RARB: variants seen among roughly 807,000 people sequenced by gnomAD.
The protein encoded by RARB is retinoic acid receptor beta.
In RARB, 17 loss-of-function variants were observed where a neutral mutation model predicts 51.9. The observed-to-expected ratio is 0.33, with a 90% CI of 0.22 to 0.49. The LOEUF (loss-of-function observed/expected upper bound fraction) is 0.49, where lower values mean the gene tolerates loss of function less well. Among genes scored for constraint, RARB ranks in the 20% least tolerant of loss-of-function variants. The probability of loss-of-function intolerance (pLI) is 0.99; values close to 1 mark genes in which losing one functional copy is unlikely to be tolerated. For synonymous variants in RARB, 215 were observed against 195.4 expected (o/e 1.10, Z -0.84); for missense variants, 369 against 550.8 (o/e 0.67, Z 3.30).
At chr3:25,171,568 G>A (rs1700646236) in intron 4 of RARB, among the ~76,000 whole-genome samples, 1 of 119,310 alleles carries the variant, frequency 8.4e-6, no homozygotes, top group Non-Finnish European at 1.6e-5. Context: ...ACAATCTGCA[G>A]CGTTTGAAAG....
intron 5 of RARB, among the ~76,000 whole-genome samples, chr3:25,192,377 T>C (rs1242794250): frequency 6.6e-6 from 1 of 152,114 alleles, no homozygotes; most frequent in Non-Finnish European, 1.5e-5. Context: ...GCTATGTAAA[T>C]ATCCTCCCTG....
At chr3:24,907,698 A>G (rs1694895940) in intron 2 of RARB, among the ~76,000 whole-genome samples, 1 of 152,170 alleles carries the variant, frequency 6.6e-6, no homozygotes, top group South Asian at 2.1e-4. Context: ...ACTTTTACCC[A>G]AAGTGCTTTG....
chr3:25,358,559 G>C (rs1365715670), intron 5 of RARB, among the ~76,000 whole-genome samples: 1 of 152,086 alleles, frequency 6.6e-6, no homozygotes, highest in Non-Finnish European at 1.5e-5. Flanking sequence ...GTCTTGTGCT[G>C]GTTTGCAAAG....
At chr3:24,931,595 T>C (rs1040145120) in intron 2 of RARB, among the ~76,000 whole-genome samples, 1 of 152,090 alleles carries the variant, frequency 6.6e-6, no homozygotes, top group South Asian at 2.1e-4. Context: ...TAATGCAGAG[T>C]ACAGCAAAGT....
chr3:24,936,815 CT>C (rs1354434245), intron 2 of RARB, among the ~76,000 whole-genome samples: 1 of 152,076 alleles, frequency 6.6e-6, no homozygotes, highest in African/African-American at 2.4e-5. Flanking sequence ...ATTTCCTTTC[CT>C]TTTCCATGAT....
At chr3:25,067,874 C>T (rs1384836198) in intron 3 of RARB, among the ~76,000 whole-genome samples, 2 of 151,994 alleles carry the variant, frequency 1.3e-5, no homozygotes, top group Non-Finnish European at 2.9e-5. Context: ...CAGTGGCTCA[C>T]GCCTGTAATC....
intron 2 of RARB, among the ~76,000 whole-genome samples, chr3:25,500,451 C>CTTTTTTTTTTTTTTT (rs1553624117): frequency 6.0e-5 from 3 of 49,934 alleles, no homozygotes; most frequent in African/African-American, 8.4e-5. Context: ...TCTTTCTTTT[C>CTTTTTTTTTTTTTTT]TTGTTTTTTT....
intron 1 of RARB, among the ~76,000 whole-genome samples, chr3:24,855,419 A>C (rs1702618593): frequency 6.6e-6 from 1 of 152,176 alleles, no homozygotes; most frequent in African/African-American, 2.4e-5. Context: ...GAATTAACTT[A>C]CCTCGTTGCA....
chr3:25,474,460 ATTT>A (rs1042447794), intron 2 of RARB, among the ~76,000 whole-genome samples: 1 of 151,414 alleles, frequency 6.6e-6, no homozygotes, highest in Non-Finnish European at 1.5e-5. Flanking sequence ...AGGTGGTGGT[ATTT>A]TTTTTTATTT....
intron 2 of RARB, among the ~76,000 whole-genome samples, chr3:25,000,706 C>T (rs112421303): frequency 6.4e-4 from 97 of 152,128 alleles, no homozygotes; most frequent in Non-Finnish European, 1.1e-3. Flanking sequence ...TCATCTGAGG[C>T]CTGATTCTAA....
chr3:24,907,128 T>C (rs1204340350), intron 2 of RARB, among the ~76,000 whole-genome samples: 1 of 152,186 alleles, frequency 6.6e-6, no homozygotes, highest in African/African-American at 2.4e-5. Context: ...GGCACTAGAA[T>C]ACTTACGGTA....
chr3:25,050,266 A>C (rs1370445793), intron 2 of RARB, among the ~76,000 whole-genome samples: 2 of 151,632 alleles, frequency 1.3e-5, no homozygotes, highest in East Asian at 2.0e-4. Flanking sequence ...TCTAGAGGGC[A>C]CATTTACTAT....
chr3:25,249,922 G>A (rs1479023386), intron 5 of RARB, among the ~76,000 whole-genome samples: 3 of 152,152 alleles, frequency 2.0e-5, no homozygotes, highest in Non-Finnish European at 2.9e-5. Context: ...GGTCCTGTTG[G>A]GCCAATTATT....
At chr3:25,348,570 G>A (rs1319415326) in intron 5 of RARB, among the ~76,000 whole-genome samples, 1 of 152,092 alleles carries the variant, frequency 6.6e-6, no homozygotes, top group East Asian at 1.9e-4. Flanking sequence ...AGCTGAAAGT[G>A]AATGAACAAG....
intron 4 of RARB, among the ~76,000 whole-genome samples, chr3:25,136,809 G>C (rs571326302): frequency 6.6e-6 from 1 of 152,062 alleles, no homozygotes; most frequent in East Asian, 1.9e-4. Flanking sequence ...CCTTGGCTTA[G>C]AAGTTGAGTT....
chr3:25,555,242 A>G (rs968967812), intron 3 of RARB, among the ~76,000 whole-genome samples: 4 of 152,166 alleles, frequency 2.6e-5, no homozygotes, highest in Admixed American at 6.5e-5. Context: ...CTGATATCTA[A>G]AACACTTGCT....
At chr3:25,330,871 A>T (rs1704872982) in intron 5 of RARB, among the ~76,000 whole-genome samples, 1 of 152,230 alleles carries the variant, frequency 6.6e-6, no homozygotes, top group Non-Finnish European at 1.5e-5. Context: ...CAGGGGTTGT[A>T]ATCCTAGTCT....
chr3:25,350,801 T>C (rs1303976012), intron 5 of RARB, among the ~76,000 whole-genome samples: 1 of 152,236 alleles, frequency 6.6e-6, no homozygotes, highest in Admixed American at 6.5e-5. Context: ...AATAAGCTGC[T>C]ATGATGCAGG....
intron 1 of RARB, among the ~76,000 whole-genome samples, chr3:25,435,574 C>G (rs915717998): frequency 5.3e-5 from 8 of 152,044 alleles, no homozygotes; most frequent in Non-Finnish European, 1.2e-4. Flanking sequence ...ATGGAGGCAG[C>G]GAAATTCAGT....
Sources: gnomAD v4.1 joint callset for allele counts (sites outside exome capture counted in the v4.1 genomes callset) on GRCh38, gnomAD v4.1.1 for gene constraint, MANE v1.5 for transcripts, NCBI Gene and HGNC (gene_info 2026-07-23, HGNC 2026-07-21) for gene names.